STK31: variants seen among roughly 807,000 people sequenced by gnomAD.
The protein encoded by STK31 is serine/threonine kinase 31.
STK31 carries 89 observed loss-of-function variants against 129.7 expected under a neutral mutation model. That is an observed-to-expected ratio of 0.69 (90% CI 0.58 to 0.82). The LOEUF is 0.82. Ranked by LOEUF, STK31 falls within the 40% of genes least tolerant of loss-of-function variation. The pLI, the probability that STK31 is intolerant of heterozygous loss-of-function variation, is 0.00. For synonymous variants in STK31, 448 were observed against 395.3 expected (o/e 1.13, Z -1.58); for missense variants, 1,187 against 1,176.4 (o/e 1.01, Z -0.13).
intron 4 of STK31, among the ~76,000 whole-genome samples, chr7:23,720,735 G>C (rs1242278009): frequency 2.0e-5 from 3 of 152,110 alleles, no homozygotes; most frequent in African/African-American, 7.2e-5. Context: ...AGAAGTAGCA[G>C]GACTGTAAAA....
intron 10 of STK31, among the ~76,000 whole-genome samples, chr7:23,761,368 CT>C (rs978104022): frequency 1.3e-5 from 2 of 150,742 alleles, no homozygotes; most frequent in African/African-American, 4.9e-5. Context: ...GAATTGATAA[CT>C]TTTATTCAAG....
At chr7:23,780,593 A>G (rs1790863126) in intron 15 of STK31, among the ~76,000 whole-genome samples, 1 of 152,236 alleles carries the variant, frequency 6.6e-6, no homozygotes. Context: ...GGGTAGAGGA[A>G]TAGTCACTAG....
chr7:23,753,592 T>G (rs1788857996), intron 9 of STK31, among the ~76,000 whole-genome samples: 1 of 152,258 alleles, frequency 6.6e-6, no homozygotes, highest in Non-Finnish European at 1.5e-5. Context: ...CGATGTGACA[T>G]GAAAGCATTC....
Position 23,832,166 on chromosome 7 carries a change from T to A in STK31, c.2860T>A (p.Leu954Met). Residue 954 changes from leucine (L) to methionine (M), a missense_variant, in exon 24 of 24, where the codon TTG becomes ATG. Physicochemically the swap from Leu to Met is conservative, Grantham distance 15 (BLOSUM62 2). Around this residue, in one of 5 missense-constraint regions of STK31, gnomAD observed 975 missense variants for 934.9 expected, o/e 1.04. Coordinates refer to ENST00000355870, the MANE Select transcript of STK31 (RefSeq NM_031414.5). ...DDKVKSLLCS[L>M]ICYRSSMTAE... ...TAAAGTCAAATCCCTCCTCTGTAGC[T>A]TGATATGTTATAGAAGTTCAATGAC... The A allele has an allele frequency of 6.2e-7, 1 of 1,614,068 alleles. No individual in the cohort carries two copies. The highest frequency in any genetic ancestry group is 8.5e-7 in the Non-Finnish European group (1 of 1,179,980).
chr7:23,790,391 C>T (rs1791547886), intron 21 of STK31, among the ~76,000 whole-genome samples: 1 of 152,132 alleles, frequency 6.6e-6, no homozygotes, highest in South Asian at 2.1e-4. Flanking sequence ...ATGCTATTGT[C>T]ACTGATCATC....
chr7:23,825,565 AT>A (rs930080748), intron 23 of STK31, among the ~76,000 whole-genome samples: 3 of 152,128 alleles, frequency 2.0e-5, no homozygotes, highest in Middle Eastern at 3.4e-3. Flanking sequence ...GGATTCATTG[AT>A]TTTTTGAAGG....
intron 8 of STK31, among the ~76,000 whole-genome samples, chr7:23,742,402 A>G (rs1304331939): frequency 3.3e-5 from 5 of 152,124 alleles, no homozygotes; most frequent in South Asian, 4.1e-4. Context: ...AGCCATGTCT[A>G]TAGGTCCCTG....
intron 23 of STK31, among the ~76,000 whole-genome samples, chr7:23,822,994 CATT>C (rs1382929386): frequency 6.6e-6 from 1 of 152,286 alleles, no homozygotes; most frequent in Non-Finnish European, 1.5e-5. Context: ...TCCAGCCTAT[CATT>C]GTTGGACATT....
chr7:23,726,339 T>A (rs1474222368), intron 4 of STK31: 1 of 145,312 alleles, frequency 6.9e-6, no homozygotes, highest in Non-Finnish European at 1.5e-5. Context: ...CACAGACTCA[T>A]CTGGTCCCAA....
In STK31 at chr7:23,770,932, C is replaced by T. The variant is rs1451152385; in HGVS notation, c.1714-73C>T. 8 of 1,433,342 alleles carry T rather than the reference C, an allele frequency of 5.6e-6. No individual in the cohort carries two copies. In the East Asian group the frequency reaches 2.1e-4, roughly 37 times the overall value. The allele number at this position is 1,433,342 out of a possible 1,614,324, so 88.8% of individuals were successfully genotyped here. ...TTAAAGGCATAATTTTGAAGTTTAT[C>T]TATTGTTATTGGAGGCCTTAGCTGT... is the stretch of plus-strand genomic sequence containing the variant. On this transcript the variant is annotated intron_variant, in intron 13 of 23. Transcript: ENST00000355870.
At chr7:23,783,803 T>C in intron 17 of STK31, 140 bp downstream of exon 17, 1 of 606,646 alleles carries the variant, frequency 1.6e-6, no homozygotes, top group Non-Finnish European at 2.7e-6. Flanking sequence ...TATTAGAACT[T>C]TTTCTTATGA....
chr7:23,710,184 C>T, upstream of STK31: 2 of 1,592,922 alleles, frequency 1.3e-6, no homozygotes, highest in Non-Finnish European at 1.7e-6. Flanking sequence ...GATGATGGCG[C>T]AGCGCTGTGC....
At chr7:23,760,723 G>A (rs982040623) in intron 10 of STK31, among the ~76,000 whole-genome samples, 4 of 152,026 alleles carry the variant, frequency 2.6e-5, no homozygotes, top group Non-Finnish European at 5.9e-5. Context: ...GCAGTGGCAC[G>A]ATCACAGCTC....
At chr7:23,798,491 A>G (rs10215817) in intron 22 of STK31, among the ~76,000 whole-genome samples, 42,566 of 106,376 alleles carry the variant, frequency 0.4, 10,399 homozygotes, top group Admixed American at 0.45. Flanking sequence ...CAGAACCAAA[A>G]ACAAAAACCA....
chr7:23,832,118 A>G lies in STK31; in HGVS notation c.2830-18A>G. On this transcript the variant is annotated intron_variant, in intron 23 of 23. Transcript: ENST00000355870. ...TCCTTTTGTTCCTTTGTTTTGTAAC[A>G]CCTGTTTTTCCTTGCAGGATGATAA... 1 of 1,563,526 alleles carries G rather than the reference A, an allele frequency of 6.4e-7. No homozygotes were observed.
intron 17 of STK31, among the ~76,000 whole-genome samples, chr7:23,784,457 G>C (rs1584441622): frequency 1.3e-5 from 2 of 152,214 alleles, no homozygotes; most frequent in African/African-American, 4.8e-5. Context: ...ATTTAGCTTA[G>C]TGATTACCTT....
chr7:23,718,538 C>T (rs1211499898), intron 4 of STK31, among the ~76,000 whole-genome samples: 1 of 152,102 alleles, frequency 6.6e-6, no homozygotes, highest in African/African-American at 2.4e-5. Context: ...GTATAACCCT[C>T]ATTTTGATAC....
At chr7:23,712,868 C>G (rs1052263197) in intron 3 of STK31, among the ~76,000 whole-genome samples, 4 of 152,066 alleles carry the variant, frequency 2.6e-5, no homozygotes, top group Non-Finnish European at 5.9e-5. Context: ...GAACGACCTG[C>G]TAATTTTTGG....
Position 23,792,909 on chromosome 7 carries a change from C to T in STK31, c.2760+1963C>T, listed in dbSNP as rs375506615. Among the ~76,000 whole-genome samples the T allele has an allele frequency of 2.6e-5, 4 of 152,138 alleles. No homozygotes were observed. In the East Asian group the frequency reaches 7.7e-4, roughly 29 times the overall value. On this transcript the variant is annotated intron_variant, in intron 22 of 23. Coordinates refer to ENST00000355870, the MANE Select transcript of STK31 (RefSeq NM_031414.5). The stretch of plus-strand genomic sequence containing the variant: ...TGTAATGGCGTGTCTGTGGTTCTAG[C>T]TCCTTGGTAGGCTGAGACAGAAAGA...
Sources: allele counts gnomAD v4.1 joint callset (sites outside exome capture counted in the v4.1 genomes callset), GRCh38; gene constraint gnomAD v4.1.1; regional missense constraint gnomAD v4.1.1; transcripts MANE v1.5; gene names NCBI Gene and HGNC (gene_info 2026-07-23, HGNC 2026-07-21).